Variants in MYO1H observed in about 807,000 individuals in gnomAD.
The protein encoded by MYO1H is myosin IH.
MYO1H carries 118 observed loss-of-function variants against 149.3 expected under a neutral mutation model. The observed-to-expected ratio is 0.79, with a 90% CI of 0.68 to 0.92. MYO1H has a LOEUF of 0.92. Among genes scored for constraint, MYO1H ranks in the 40% least tolerant of loss-of-function variants. MYO1H has a pLI of 0.00. For missense variants in MYO1H, 1,212 were observed against 1,280.7 expected (o/e 0.95, Z 0.82); for synonymous variants, 447 against 465.2 (o/e 0.96, Z 0.50).
At chr12:109,401,346 A>C in intron 6 of MYO1H, 74 bp downstream of exon 6, 1 of 1,436,050 alleles carries the variant, frequency 7.0e-7, no homozygotes, top group Non-Finnish European at 9.4e-7. Flanking sequence ...GTGCTGCTGT[A>C]GGATGTTTGA....
At chr12:109,405,365 C>T (rs957082775) in intron 7 of MYO1H, among the ~76,000 whole-genome samples, 1 of 152,166 alleles carries the variant, frequency 6.6e-6, no homozygotes, top group African/African-American at 2.4e-5. Context: ...GGCAGGAGTA[C>T]AATGGCGCTA....
the MYO1H span, among the ~76,000 whole-genome samples, chr12:109,334,862 A>C: frequency 6.6e-6 from 1 of 152,200 alleles, no homozygotes; most frequent in African/African-American, 2.4e-5. Context: ...TATATTCACA[A>C]AGTTATGAAC....
chr12:109,335,787 A>G, the MYO1H span, among the ~76,000 whole-genome samples: 1 of 152,152 alleles, frequency 6.6e-6, no homozygotes, highest in Non-Finnish European at 1.5e-5. Context: ...TCTTTCCAAT[A>G]TTAGTGCCAG....
At chr12:109,322,284 C>T in the MYO1H span, among the ~76,000 whole-genome samples, 3 of 152,152 alleles carry the variant, frequency 2.0e-5, no homozygotes, top group African/African-American at 4.8e-5. Flanking sequence ...CCTTGAACGT[C>T]CAACACTTTA....
the MYO1H span, among the ~76,000 whole-genome samples, chr12:109,338,928 C>A: frequency 6.6e-6 from 1 of 152,086 alleles, no homozygotes; most frequent in East Asian, 1.9e-4. Flanking sequence ...TGCTGGGAAG[C>A]AATAGGGTTC....
chr12:109,355,132 G>T (rs989704041), intron 1 of MYO1H, among the ~76,000 whole-genome samples: 1 of 152,104 alleles, frequency 6.6e-6, no homozygotes, highest in Non-Finnish European at 1.5e-5. Context: ...AGTCTATCCT[G>T]GTGGTCTTGG....
At chr12:109,314,965 G>A in the MYO1H span, among the ~76,000 whole-genome samples, 1 of 152,218 alleles carries the variant, frequency 6.6e-6, no homozygotes, top group Middle Eastern at 3.4e-3. Context: ...AGCCAGCTGT[G>A]GTGACGTGTG....
chr12:109,436,557 G>GT lies in MYO1H; in HGVS notation c.2209+2dup, dbSNP rs1214452147. On this transcript the variant is annotated splice_donor_variant, in intron 22 of 31. Coordinates refer to ENST00000310903, the Ensembl canonical transcript of MYO1H. LOFTEE classifies it high-confidence loss of function. Reference sequence around the variant, plus strand: ...GAATACGTGAAAAAAAGACAAGCAGGTAAGAATTAAATAGAAACAAATAAG... The same window carrying GT: ...GAATACGTGAAAAAAAGACAAGCAGGTTAAGAATTAAATAGAAACAAATAAG... The GT allele has an allele frequency of 6.2e-7, 1 of 1,601,342 alleles. No individual in the cohort carries two copies. The highest frequency in any genetic ancestry group is 1.3e-5 in the African/African-American group (1 of 74,638).
intron 5 of MYO1H, among the ~76,000 whole-genome samples, chr12:109,399,789 C>T (rs1200172405): frequency 6.6e-6 from 1 of 151,958 alleles, no homozygotes; most frequent in East Asian, 1.9e-4. Flanking sequence ...GTGGTGCATG[C>T]CTATAGTCCC....
chr12:109,330,441 A>G, the MYO1H span, among the ~76,000 whole-genome samples: 9 of 151,796 alleles, frequency 5.9e-5, no homozygotes, highest in Admixed American at 5.9e-4. Context: ...TGATGGACAC[A>G]TGTCTCGCAA....
At chr12:109,415,996 G>A (rs1197744056) in intron 15 of MYO1H, among the ~76,000 whole-genome samples, 1 of 151,566 alleles carries the variant, frequency 6.6e-6, no homozygotes, top group African/African-American at 2.4e-5. Context: ...AGGCTGGAGT[G>A]CAGTGGCTCA....
chr12:109,392,710 T>C (rs1175918827), intron 2 of MYO1H, among the ~76,000 whole-genome samples: 3 of 151,930 alleles, frequency 2.0e-5, no homozygotes, highest in Admixed American at 6.6e-5. Flanking sequence ...AGTGAGACTC[T>C]GTCTCAAAAA....
intron 22 of MYO1H, among the ~76,000 whole-genome samples, chr12:109,438,086 TAAAA>T (rs58487735): frequency 1.0e-5 from 1 of 96,912 alleles, no homozygotes; most frequent in African/African-American, 4.5e-5. Context: ...AGGCTCTGTC[TAAAA>T]AAAAAAAAAA....
the MYO1H span, among the ~76,000 whole-genome samples, chr12:109,333,287 T>C: frequency 6.6e-6 from 1 of 152,056 alleles, no homozygotes; most frequent in African/African-American, 2.4e-5. Flanking sequence ...ACCATCGCAC[T>C]CTAGCCTTGG....
At chr12:109,397,597 G>C (rs979120838) in intron 4 of MYO1H, 135 bp from the exon 5 acceptor site, 1 of 571,496 alleles carries the variant, frequency 1.7e-6, no homozygotes, top group African/African-American at 1.9e-5. Context: ...CTTCTTAGAA[G>C]ATAAAGCATG....
intron 22 of MYO1H, 33 bp downstream of exon 22, chr12:109,436,589 C>T (rs779507917): frequency 6.7e-7 from 1 of 1,499,808 alleles, no homozygotes; most frequent in South Asian, 1.2e-5. Flanking sequence ...TAAGTTTGCT[C>T]CCTTTCTCAT....
chr12:109,353,742 C>T (rs1158288058), intron 1 of MYO1H, among the ~76,000 whole-genome samples: 1 of 152,134 alleles, frequency 6.6e-6, no homozygotes, highest in Non-Finnish European at 1.5e-5. Context: ...ACCCCCGCCT[C>T]CCAGGTTCAA....
intron 2 of MYO1H, among the ~76,000 whole-genome samples, chr12:109,391,234 C>G (rs568023184): frequency 1.8e-4 from 27 of 152,146 alleles, no homozygotes; most frequent in African/African-American, 6.5e-4. Context: ...CTCTGTCCCC[C>G]GCAACAAGCC....
At chr12:109,435,141 C>CATATTCTATTGA in intron 21 of MYO1H, 28 bp downstream of exon 21, 3 of 1,451,460 alleles carry the variant, frequency 2.1e-6, no homozygotes, top group Non-Finnish European at 2.9e-6. Context: ...GTCCCGATTT[C>CATATTCTATTGA]AATAGAATAT....
Sources: gnomAD v4.1 joint callset for allele counts (sites outside exome capture counted in the v4.1 genomes callset) on GRCh38, gnomAD v4.1.1 for gene constraint, MANE v1.5 for transcripts, NCBI Gene and HGNC (gene_info 2026-07-23, HGNC 2026-07-21) for gene names.